DACH2: variants seen among roughly 807,000 people sequenced by gnomAD.
DACH2 encodes the protein dachshund family transcription factor 2.
DACH2 carries 17 observed loss-of-function variants against 35.8 expected under a neutral mutation model. The ratio of observed to expected loss-of-function variants is 0.48; its 90% CI spans 0.33 to 0.71. The LOEUF (loss-of-function observed/expected upper bound fraction) is 0.71, where lower values mean the gene tolerates loss of function less well. Ranked by LOEUF, DACH2 falls within the 30% of genes least tolerant of loss-of-function variation. DACH2 has a pLI of 0.02. For missense variants in DACH2, 469 were observed against 472.7 expected, an observed-to-expected ratio of 0.99 and a Z score of 0.07; for synonymous variants, 195 against 177.3, an observed-to-expected ratio of 1.10 and a Z score of -0.79.
chrX:86,579,345 G>A (rs1008728791), intron 3 of DACH2, among the ~76,000 whole-genome samples: 12 of 110,979 alleles, frequency 1.1e-4, no homozygotes, highest in African/African-American at 3.3e-4. Flanking sequence ...TACCTACTTC[G>A]TCCTTCCAAA....
intron 7 of DACH2, among the ~76,000 whole-genome samples, chrX:86,805,254 A>C (rs1472164927): frequency 8.9e-6 from 1 of 112,734 alleles, no homozygotes; most frequent in Non-Finnish European, 1.9e-5. Flanking sequence ...GAAAGCGGCC[A>C]AGGCTTATGG....
chrX:86,284,053 ATT>A (rs1191743484), intron 1 of DACH2, among the ~76,000 whole-genome samples: 4 of 111,244 alleles, frequency 3.6e-5, no homozygotes, highest in Non-Finnish European at 7.5e-5. Context: ...AACAAGGATA[ATT>A]TGACTTCTTC....
chrX:86,328,291 T>G (rs2035151099), intron 1 of DACH2, among the ~76,000 whole-genome samples: 1 of 111,691 alleles, frequency 9.0e-6, no homozygotes. Flanking sequence ...TATATTGTAC[T>G]TGTGAGCATA....
At chrX:86,447,168 T>G (rs1462700364) in intron 2 of DACH2, among the ~76,000 whole-genome samples, 1 of 99,395 alleles carries the variant, frequency 1.0e-5, no homozygotes, top group African/African-American at 3.7e-5. Context: ...TAAATTTGTT[T>G]GAGTTCATTG....
At chrX:86,706,691 C>A (rs923976555) in intron 5 of DACH2, among the ~76,000 whole-genome samples, 1 of 109,748 alleles carries the variant, frequency 9.1e-6, no homozygotes, top group Non-Finnish European at 1.9e-5. Flanking sequence ...AACAGAAAGA[C>A]AGCTGTAAAG....
rs767152609 is a variant in DACH2, at chrX:86,698,521, G to GTT, written c.931+3368_931+3369dup. On this transcript the variant is annotated intron_variant, in intron 5 of 11. Coordinates refer to ENST00000373125, the MANE Select transcript of DACH2 (RefSeq NM_053281.3). Reference sequence around the variant, plus strand: ...CTTCTTTTTGTTTTGTTAGTTTTGTGTTTTTTTTTTTTTTTTTTTTTTTTT... The same window carrying GTT: ...CTTCTTTTTGTTTTGTTAGTTTTGTGTTTTTTTTTTTTTTTTTTTTTTTTTTT... Among the ~76,000 whole-genome samples the GTT allele has an allele frequency of 6.6e-3, 218 of 32,951 alleles. 43 individuals carry two copies. Among genetic ancestry groups the GTT allele is most frequent in the African/African-American group, 0.029 (203 of 6,886 alleles). The allele number at this position is 32,951 out of a possible 115,157, so 28.6% of individuals were successfully genotyped here.
intron 4 of DACH2, among the ~76,000 whole-genome samples, chrX:86,662,592 C>CA (rs986356873): frequency 0.017 from 1,468 of 86,953 alleles, 29 homozygotes; most frequent in African/African-American, 0.052. Flanking sequence ...GACTCCGTCT[C>CA]AAAAAAAAAA....
At chrX:86,542,296 G>T (rs2038895965) in intron 3 of DACH2, among the ~76,000 whole-genome samples, 1 of 111,532 alleles carries the variant, frequency 9.0e-6, no homozygotes, top group Non-Finnish European at 1.9e-5. Context: ...GGGGATTACT[G>T]GGAGGTGTTT....
intron 3 of DACH2, among the ~76,000 whole-genome samples, chrX:86,635,328 TA>T (rs77223425): frequency 0.088 from 7,559 of 86,046 alleles, 313 homozygotes; most frequent in East Asian, 0.14. Context: ...TCCATAGTGT[TA>T]AAAAAAAAAA....
At chrX:86,776,622 T>C (rs2042035114) in intron 7 of DACH2, among the ~76,000 whole-genome samples, 1 of 111,375 alleles carries the variant, frequency 9.0e-6, no homozygotes, top group Non-Finnish European at 1.9e-5. Flanking sequence ...AGTTCTATGG[T>C]ACATGCTCAC....
intron 4 of DACH2, among the ~76,000 whole-genome samples, chrX:86,660,691 C>T (rs2040596037): frequency 9.0e-6 from 1 of 111,030 alleles, no homozygotes; most frequent in Admixed American, 9.6e-5. Flanking sequence ...TAATACAATG[C>T]CAGATTTCAA....
intron 3 of DACH2, among the ~76,000 whole-genome samples, chrX:86,550,465 A>G (rs906445827): frequency 2.0e-4 from 22 of 110,952 alleles, no homozygotes; most frequent in East Asian, 2.8e-4. Flanking sequence ...ATTCTGTTGC[A>G]TAATCGGTCA....
chrX:86,803,782 T>G (rs2042317161), intron 7 of DACH2, among the ~76,000 whole-genome samples: 1 of 110,661 alleles, frequency 9.0e-6, no homozygotes, highest in African/African-American at 3.3e-5. Flanking sequence ...AATAATTATA[T>G]TATATTGTAT....
At chrX:86,675,682 C>G (rs1393898326) in intron 4 of DACH2, among the ~76,000 whole-genome samples, 1 of 110,748 alleles carries the variant, frequency 9.0e-6, no homozygotes, top group East Asian at 2.8e-4. Flanking sequence ...GAAACACTGT[C>G]TCGAAAAAAA....
chrX:86,178,695 G>GT lies in DACH2; in HGVS notation c.488+29593dup, dbSNP rs752512998. Among the ~76,000 whole-genome samples the GT allele has an allele frequency of 2.7e-5, 3 of 110,800 alleles. No individual in the cohort carries two copies. The East Asian group carries it at 8.5e-4, about 31-fold the overall frequency. On this transcript the variant is annotated intron_variant, in intron 1 of 11. Coordinates refer to ENST00000373125, the MANE Select transcript of DACH2 (RefSeq NM_053281.3). ...TAGATGTATGACCATCTAAGCCTCA[G>GT]TTTTTTCATCTAAAAATGGGAATAA...
intron 4 of DACH2, among the ~76,000 whole-genome samples, chrX:86,675,023 T>A (rs1202922066): frequency 9.0e-6 from 1 of 111,449 alleles, no homozygotes; most frequent in Non-Finnish European, 1.9e-5. Flanking sequence ...ACTCAAGAAC[T>A]AAAAGATTAT....
At chrX:86,543,618 C>A (rs1295977672) in intron 3 of DACH2, among the ~76,000 whole-genome samples, 1 of 110,480 alleles carries the variant, frequency 9.1e-6, no homozygotes, top group African/African-American at 3.3e-5. Context: ...GATGAAATGG[C>A]CATTCAAAGA....
intron 3 of DACH2, among the ~76,000 whole-genome samples, chrX:86,552,755 T>A (rs1029340256): frequency 9.1e-6 from 1 of 109,870 alleles, no homozygotes; most frequent in Admixed American, 9.8e-5. Flanking sequence ...ACAATGGTTA[T>A]TTTTTTTTAA....
chrX:86,386,145 C>T (rs1162625506), intron 2 of DACH2, among the ~76,000 whole-genome samples: 1 of 111,619 alleles, frequency 9.0e-6, no homozygotes, highest in African/African-American at 3.3e-5. Flanking sequence ...TCTTAAAGCT[C>T]CTCTCAGCTG....
Sources: allele counts gnomAD v4.1 joint callset (sites outside exome capture counted in the v4.1 genomes callset), GRCh38; gene constraint gnomAD v4.1.1; transcripts MANE v1.5; gene names NCBI Gene and HGNC (gene_info 2026-07-23, HGNC 2026-07-21).